Variants in WARS1 observed in about 807,000 individuals in gnomAD.
WARS1 encodes the protein tryptophanyl-tRNA synthetase 1.
Under a neutral mutation model 47.8 loss-of-function variants are expected in WARS1, and 17 were observed. The observed-to-expected ratio is 0.36, with a 90% CI of 0.24 to 0.53. The LOEUF (loss-of-function observed/expected upper bound fraction) is 0.53. WARS1 is among the 20% of genes least tolerant of loss of function. WARS1 has a pLI of 0.91. For synonymous variants in WARS1, 208 were observed against 228.1 expected, an observed-to-expected ratio of 0.91 and a Z score of 0.79; for missense variants, 434 against 608.0, an observed-to-expected ratio of 0.71 and a Z score of 3.01.
At chr14:100,369,360 T>C in intron 1 of WARS1, 102 bp from the exon 2 acceptor site, 1 of 337,718 alleles carries the variant, frequency 3.0e-6, no homozygotes, top group Non-Finnish European at 5.3e-6. Context: ...TCCGAAAAGG[T>C]TGTGAGGTGA....
rs137939394 is a variant in WARS1 at position 100,355,444 on chromosome 14, A to G, written c.423-878T>C. Among the ~76,000 whole-genome samples, 1,377 of 152,072 alleles carry G rather than the reference A, an allele frequency of 9.1e-3. 16 individuals carry two copies. The highest frequency in any genetic ancestry group is 0.027 in the Middle Eastern group (8 of 294). ...CACCATGTTGGCCAGGCTGGTCTCAAACTCCTGACCTCGTGATTTGCCTGC... is the reference window on the plus strand; with the variant it reads ...CACCATGTTGGCCAGGCTGGTCTCAGACTCCTGACCTCGTGATTTGCCTGC... On this transcript the variant is annotated intron_variant, in intron 4 of 10. Coordinates refer to ENST00000392882, the MANE Select transcript of WARS1 (RefSeq NM_004184.4).
At position 100,349,233 on chromosome 14, in the gene WARS1, T is replaced by C. The variant is rs541132541; in HGVS notation, c.726-2387A>G. On this transcript the variant is annotated intron_variant, in intron 6 of 10. Transcript: ENST00000392882. The stretch of plus-strand genomic sequence containing the variant: ...ATGCAGTGCAGGCACTATCATCTCC[T>C]GACCACAGTCTTCTCTACCCCTGCC... Among the ~76,000 whole-genome samples the C allele has an allele frequency of 5.9e-5, 9 of 152,356 alleles. 1 individual carries two copies. Among genetic ancestry groups the C allele is most frequent in the Admixed American group, 5.2e-4 (8 of 15,308 alleles).
chr14:100,357,863 A>T (rs1895426977), intron 4 of WARS1, among the ~76,000 whole-genome samples: 1 of 152,236 alleles, frequency 6.6e-6, no homozygotes, highest in South Asian at 2.1e-4. Context: ...GAATAAATCT[A>T]AGCAAAGAAG....
rs1236849813 is a variant in WARS1 at position 100,334,987 on chromosome 14, A to G, written c.1304T>C (p.Ile435Thr). 5 of 1,614,042 alleles carry G rather than the reference A, an allele frequency of 3.1e-6. No individual in the cohort carries two copies. In the South Asian group the frequency reaches 3.3e-5, roughly 11 times the overall value. Residue 435 changes from isoleucine to threonine, a missense_variant, in exon 11 of 11, where the codon ATA (isoleucine) becomes ACA (threonine). Transcript: ENST00000392882. ...MLTGELKKAL[I>T]EVLQPLIAEH... ...TGCGATCAAGGGCTGCAGAACCTCT[A>G]TGAGTGCCTTCTTGAGCTCACCGGT...
intron 6 of WARS1, among the ~76,000 whole-genome samples, chr14:100,352,128 T>TC (rs1895031243): frequency 7.1e-6 from 1 of 141,500 alleles, no homozygotes; most frequent in Non-Finnish European, 1.5e-5. Context: ...TTTTTTTTTT[T>TC]TGAGACAGAG....
intron 2 of WARS1, chr14:100,365,579 C>CA (rs34591719): frequency 0.034 from 2,933 of 86,560 alleles, 62 homozygotes; most frequent in African/African-American, 0.049. Context: ...GACTCAGCCT[C>CA]AAAAAAAAAA....
At chr14:100,365,803 T>C (rs1895950366) in intron 2 of WARS1, among the ~76,000 whole-genome samples, 1 of 151,170 alleles carries the variant, frequency 6.6e-6, no homozygotes, top group South Asian at 2.1e-4. Context: ...CAACAAGGTT[T>C]CAGAAGCCAG....
intron 6 of WARS1, among the ~76,000 whole-genome samples, chr14:100,351,897 G>C (rs959378145): frequency 2.0e-5 from 3 of 151,792 alleles, no homozygotes; most frequent in African/African-American, 4.8e-5. Flanking sequence ...GGAGGCTGAG[G>C]CAAGAGAATG....
intron 6 of WARS1, among the ~76,000 whole-genome samples, chr14:100,350,476 G>C (rs1894908063): frequency 6.6e-6 from 1 of 150,508 alleles, no homozygotes; most frequent in Non-Finnish European, 1.5e-5. Context: ...AGTTGCCAAA[G>C]AGACAGCACG....
intron 6 of WARS1, among the ~76,000 whole-genome samples, chr14:100,347,611 CTG>C (rs1240763724): frequency 6.6e-6 from 1 of 152,000 alleles, no homozygotes; most frequent in Non-Finnish European, 1.5e-5. Flanking sequence ...GAGTCTCACT[CTG>C]TAGCCCAGGC....
chr14:100,344,703 G>A (rs1192320179), intron 7 of WARS1, among the ~76,000 whole-genome samples: 3 of 148,502 alleles, frequency 2.0e-5, no homozygotes, highest in Admixed American at 6.7e-5. Flanking sequence ...GCCGCCCATC[G>A]TCTGAGATGT....
intron 7 of WARS1, among the ~76,000 whole-genome samples, chr14:100,345,762 T>C (rs1192223777): frequency 2.0e-5 from 3 of 152,240 alleles, no homozygotes; most frequent in Admixed American, 1.3e-4. Context: ...ATTACTGTCA[T>C]TAGTATTTGC....
At chr14:100,356,134 CTG>C (rs1207420001) in intron 4 of WARS1, among the ~76,000 whole-genome samples, 1 of 152,176 alleles carries the variant, frequency 6.6e-6, no homozygotes, top group Non-Finnish European at 1.5e-5. Context: ...TGAAGCTTGA[CTG>C]TGCATAGTAG....
At chr14:100,361,405 T>C (rs995805183) in intron 3 of WARS1, among the ~76,000 whole-genome samples, 11 of 152,340 alleles carry the variant, frequency 7.2e-5, no homozygotes, top group Admixed American at 3.9e-4. Context: ...CTAAATGTTA[T>C]AAATGGCCAT....
rs756679917 is a variant in WARS1 at position 100,346,738 on chromosome 14, C to A, written c.826+8G>T. The A allele has an allele frequency of 3.7e-6, 6 of 1,609,832 alleles. No homozygotes were observed. Among genetic ancestry groups the A allele is most frequent in the South Asian group, 2.2e-5 (2 of 90,912 alleles). On this transcript the variant is annotated splice_region_variant and intron_variant, in intron 7 of 10. Coordinates refer to ENST00000392882, the MANE Select transcript of WARS1 (RefSeq NM_004184.4). ...GGGAGTGGTCCACAGCAGCAGTGGG[C>A]CTCTTACCAATGCAGTCGCTGTCAG...
intron 2 of WARS1, chr14:100,368,253 T>C: frequency 2.9e-6 from 1 of 346,754 alleles, no homozygotes; most frequent in East Asian, 7.7e-5. Flanking sequence ...TTAAGACAAA[T>C]ATTAACTCCA....
intron 6 of WARS1, among the ~76,000 whole-genome samples, chr14:100,347,986 T>G (rs910006229): frequency 2.6e-5 from 4 of 152,208 alleles, no homozygotes; most frequent in Non-Finnish European, 5.9e-5. Flanking sequence ...TGGTGTCTTT[T>G]AAGTGTTTGC....
At chr14:100,359,072 A>T (rs1895501132) in intron 4 of WARS1, among the ~76,000 whole-genome samples, 1 of 152,190 alleles carries the variant, frequency 6.6e-6, no homozygotes, top group African/African-American at 2.4e-5. Context: ...TGCTGGTGGG[A>T]AAGTAAAATG....
intron 6 of WARS1, among the ~76,000 whole-genome samples, chr14:100,347,494 C>A (rs1171151457): frequency 6.6e-6 from 1 of 152,230 alleles, no homozygotes; most frequent in Non-Finnish European, 1.5e-5. Context: ...GAATGTGTGG[C>A]ATCCATTCCA....
Sources: gnomAD v4.1 joint callset for allele counts (sites outside exome capture counted in the v4.1 genomes callset) on GRCh38, gnomAD v4.1.1 for gene constraint, MANE v1.5 for transcripts, NCBI Gene and HGNC (gene_info 2026-07-23, HGNC 2026-07-21) for gene names.